RANGAP1: variants seen among roughly 807,000 people sequenced by gnomAD.
RANGAP1 encodes Ran GTPase activating protein 1.
Under a neutral mutation model 63.5 loss-of-function variants are expected in RANGAP1, and 38 were observed. The observed-to-expected ratio is 0.60, with a 90% CI of 0.46 to 0.78. The LOEUF (loss-of-function observed/expected upper bound fraction) is 0.78. Ranked by LOEUF, RANGAP1 falls within the 30% of genes least tolerant of loss-of-function variation. The probability of loss-of-function intolerance (pLI) is 0.00; values close to 1 mark genes in which losing one functional copy is unlikely to be tolerated. For missense variants in RANGAP1, 630 were observed against 740.3 expected, an observed-to-expected ratio of 0.85 and a Z score of 1.73; for synonymous variants, 329 against 310.5, an observed-to-expected ratio of 1.06 and a Z score of -0.63.
At chr22:41,249,203 C>T (rs1440394022) in intron 15 of RANGAP1, 127 bp downstream of exon 15, 1 of 1,336,798 alleles carries the variant, frequency 7.5e-7, no homozygotes, top group Non-Finnish European at 1.0e-6. Flanking sequence ...GAGGGCCTCT[C>T]ATGCACCTGA....
intron 3 of RANGAP1, among the ~76,000 whole-genome samples, chr22:41,270,868 G>A (rs1197849388): frequency 1.3e-5 from 2 of 152,258 alleles, no homozygotes; most frequent in African/African-American, 2.4e-5. Flanking sequence ...GAGCCGGAGC[G>A]CCACAGTCCC....
At chr22:41,278,717 A>G (rs1485594565) in intron 2 of RANGAP1, among the ~76,000 whole-genome samples, 1 of 152,234 alleles carries the variant, frequency 6.6e-6, no homozygotes, top group Non-Finnish European at 1.5e-5. Flanking sequence ...CAACATTCCA[A>G]TCTATCTCCC....
intron 15 of RANGAP1, among the ~76,000 whole-genome samples, chr22:41,248,788 C>T (rs1053848152): frequency 6.6e-6 from 1 of 152,236 alleles, no homozygotes; most frequent in African/African-American, 2.4e-5. Context: ...CGGGACACCC[C>T]AGGACCCTCC....
chr22:41,288,702 C>T (rs1214537215), upstream of RANGAP1, among the ~76,000 whole-genome samples: 6 of 151,846 alleles, frequency 4.0e-5, no homozygotes, highest in Non-Finnish European at 5.9e-5. Context: ...ATTGGGTTTT[C>T]GGAACTGGAA....
intron 5 of RANGAP1, among the ~76,000 whole-genome samples, chr22:41,263,632 G>A (rs1489457325): frequency 5.9e-5 from 9 of 152,198 alleles, no homozygotes; most frequent in African/African-American, 1.9e-4. Flanking sequence ...TGATCTGCCC[G>A]ACTCGGCCTC....
intron 3 of RANGAP1, among the ~76,000 whole-genome samples, chr22:41,273,273 C>T (rs373686042): frequency 6.6e-6 from 1 of 152,134 alleles, no homozygotes; most frequent in African/African-American, 2.4e-5. Context: ...TGGTCTCTCT[C>T]CCTCATGACT....
At chr22:41,273,766 CAAAAAAAAAAAAAA>C (rs71200678) in intron 3 of RANGAP1, among the ~76,000 whole-genome samples, 3 of 24,350 alleles carry the variant, frequency 1.2e-4, no homozygotes, top group African/African-American at 1.6e-4. Context: ...GACTCCATCT[CAAAAAAAAAAAAAA>C]AAAAAAAAAA....
At chr22:41,249,648 G>T in intron 14 of RANGAP1, 81 bp downstream of exon 14, 2 of 1,546,376 alleles carry the variant, frequency 1.3e-6, no homozygotes, top group South Asian at 1.1e-5. Context: ...AGGTGAGGGA[G>T]GTTGGCGGGC....
At chr22:41,255,880 G>A in intron 10 of RANGAP1, 141 bp downstream of exon 10, 1 of 810,162 alleles carries the variant, frequency 1.2e-6, no homozygotes, top group Non-Finnish European at 1.9e-6. Flanking sequence ...CTTGAACCCA[G>A]GAGGTGGAAG....
At chr22:41,293,343 T>C in the RANGAP1 span, among the ~76,000 whole-genome samples, 1 of 151,930 alleles carries the variant, frequency 6.6e-6, no homozygotes, top group South Asian at 2.1e-4. Flanking sequence ...GCCCAGGAGT[T>C]GAAGGCTGAA....
chr22:41,247,858 G>GAT (rs1269203153), intron 15 of RANGAP1, among the ~76,000 whole-genome samples: 1 of 152,246 alleles, frequency 6.6e-6, no homozygotes, highest in African/African-American at 2.4e-5. Context: ...GTCCGTGCAT[G>GAT]TCACTACATA....
At chr22:41,256,677 C>A in intron 8 of RANGAP1, 34 bp downstream of exon 8, 1 of 1,593,336 alleles carries the variant, frequency 6.3e-7, no homozygotes, top group East Asian at 2.2e-5. Context: ...CCCACAGACC[C>A]CAGAGGGAGG....
At chr22:41,284,352 G>A (rs2035648781) in intron 1 of RANGAP1, among the ~76,000 whole-genome samples, 1 of 152,160 alleles carries the variant, frequency 6.6e-6, no homozygotes, top group Non-Finnish European at 1.5e-5. Context: ...TGGATTACCT[G>A]AGGTCGGGAG....
Position 41,256,892 on chromosome 22 carries a change from G to A in RANGAP1, c.775-68C>T, listed in dbSNP as rs1458316211. On this transcript the variant is annotated intron_variant, in intron 7 of 15. Coordinates refer to ENST00000356244, the MANE Select transcript of RANGAP1 (RefSeq NM_002883.4). Reference sequence around the variant, plus strand: ...CACCCCAGCCCTCAGCAAGCCCCGGGGGCCCCACACGGTCACATCCCAAGC... The same window carrying A: ...CACCCCAGCCCTCAGCAAGCCCCGGAGGCCCCACACGGTCACATCCCAAGC... 7 of 1,329,780 alleles carry A rather than the reference G, an allele frequency of 5.3e-6. No homozygotes were observed. The Admixed American group carries it at 1.3e-4, about 25-fold the overall frequency. 82.4% of individuals were successfully genotyped at this position (1,329,780 alleles called of 1,614,324 possible).
intron 3 of RANGAP1, among the ~76,000 whole-genome samples, chr22:41,270,455 TTTTTTATTTTGAGACAGGGTCTCACTC>T (rs2034739282): frequency 6.6e-6 from 1 of 152,166 alleles, no homozygotes. Flanking sequence ...CCCTCCCTTA[TTTTTTATTTTGAGACAGGGTCTCACTC>T]TGTCGCCCAG....
Position 41,264,755 on chromosome 22 carries a change from T to A in RANGAP1, c.389A>T (p.Gln130Leu), listed in dbSNP as rs780709524. 2 of 1,614,140 alleles carry A rather than the reference T, an allele frequency of 1.2e-6. No homozygotes were observed. The highest frequency in any genetic ancestry group is 1.7e-6 in the Non-Finnish European group (2 of 1,179,948). The change falls in exon 5 of 16, where the codon CAA becomes CTA. Residue 130 changes from glutamine (Q) to leucine (L), a missense_variant. Physicochemically the swap from Gln to Leu is moderately radical, Grantham distance 113. Around this residue, in one of 3 missense-constraint regions of RANGAP1, gnomAD observed 137 missense variants for 214.3 expected, o/e 0.64. Transcript: ENST00000356244. ...GCTCTTGAGCAGGGCCTCGAAGCCT[T>A]GCACACCGTCGGGCCCGAATGCGTT... ...SDNAFGPDGV[Q>L]GFEALLKSSA...
chr22:41,288,935 T>TG (rs1430495299), upstream of RANGAP1, among the ~76,000 whole-genome samples: 4 of 149,144 alleles, frequency 2.7e-5, no homozygotes, highest in Admixed American at 2.7e-4. Flanking sequence ...TTTTTTTTTT[T>TG]TTTTTGAGAT....
At chr22:41,265,991 G>A (rs112889756) in intron 4 of RANGAP1, among the ~76,000 whole-genome samples, 40 of 151,844 alleles carry the variant, frequency 2.6e-4, no homozygotes, top group South Asian at 6.2e-4. Context: ...TCACGAGGTC[G>A]GGAGATCGAG....
At chr22:41,291,030 G>A (rs912366436), upstream of RANGAP1, among the ~76,000 whole-genome samples, 3 of 152,158 alleles carry the variant, frequency 2.0e-5, no homozygotes, top group South Asian at 2.1e-4. Flanking sequence ...AAGGACAGTC[G>A]AACCACATCT....
Sources: gnomAD v4.1 joint callset for allele counts (sites outside exome capture counted in the v4.1 genomes callset) on GRCh38, gnomAD v4.1.1 for gene constraint, gnomAD v4.1.1 regional missense constraint, MANE v1.5 for transcripts, NCBI Gene and HGNC (gene_info 2026-07-23, HGNC 2026-07-21) for gene names.